Variants in NOTCH3 observed in about 807,000 individuals in gnomAD.
NOTCH3 encodes neurogenic locus notch homolog protein 3.
A neutral mutation model predicts 213.3 loss-of-function variants in NOTCH3; 86 were observed. That is an observed-to-expected ratio of 0.40 (90% CI 0.34 to 0.48). The LOEUF (loss-of-function observed/expected upper bound fraction) is 0.48, where lower values mean the gene tolerates loss of function less well. Ranked by LOEUF, NOTCH3 falls within the 20% of genes least tolerant of loss-of-function variation. NOTCH3 has a pLI of 0.57. For synonymous variants in NOTCH3, 1,354 were observed against 1,355.9 expected, an observed-to-expected ratio of 1.00 and a Z score of 0.03; for missense variants, 2,783 against 3,272.6, an observed-to-expected ratio of 0.85 and a Z score of 3.65.
chr19:15,171,521 TG>T (rs897065493), intron 25 of NOTCH3, among the ~76,000 whole-genome samples: 3 of 151,330 alleles, frequency 2.0e-5, no homozygotes, highest in Admixed American at 6.6e-5. Context: ...GGCTAATTTT[TG>T]GGGGGGGTTG....
intron 16 of NOTCH3, 146 bp from the exon 17 acceptor site, chr19:15,181,947 A>T: frequency 1.4e-6 from 1 of 705,826 alleles, no homozygotes; most frequent in Non-Finnish European, 2.4e-6. Flanking sequence ...ATCTAAATCC[A>T]TCCCCTTCTG....
chr19:15,197,554 G>GCCT lies in NOTCH3; in HGVS notation c.142_143insAGG (p.Pro48delinsGlnAla). The GCCT allele has an allele frequency of 6.2e-7, 1 of 1,604,772 alleles. No homozygotes were observed. The highest frequency in any genetic ancestry group is 2.3e-5 in the East Asian group (1 of 44,352). On this transcript the variant is annotated protein_altering_variant, in exon 2 of 33. Transcript: ENST00000263388. Reference sequence around the variant, plus strand: ...GGTGCAACGACCTCCATTTGCACACGGGCTTCCGTCCAGGCAAGGGGGGGC... The same window carrying GCCT: ...GGTGCAACGACCTCCATTTGCACACGCCTGGCTTCCGTCCAGGCAAGGGGGGGC...
At position 15,184,436 on chromosome 19, in the gene NOTCH3, G is replaced by C; in HGVS notation, c.2425C>G (p.Gln809Glu). The C allele has an allele frequency of 6.2e-7, 1 of 1,613,834 alleles. No individual in the cohort carries two copies. The highest frequency in any genetic ancestry group is 8.5e-7 in the Non-Finnish European group (1 of 1,179,838). ...PQGWQGPRCQ[Q>E]DVDECAGPAP... is the part of the protein sequence containing the mutation. ...GGGCCAGCACACTCGTCCACATCCTGCTGGCATCGTGGGCCTGGGGGTAGG... is the reference window on the plus strand; with the variant it reads ...GGGCCAGCACACTCGTCCACATCCTCCTGGCATCGTGGGCCTGGGGGTAGG... The change falls in exon 16 of 33, where the codon CAG (glutamine) becomes GAG (glutamate). Residue 809 changes from glutamine (Q) to glutamate (E), a missense_variant. Gln to Glu is a conservative substitution (Grantham distance 29, BLOSUM62 2). Transcript: ENST00000263388.
In NOTCH3 at chr19:15,165,507, G is replaced by T; in HGVS notation, c.5676C>A (p.Ile1892=). The T allele has an allele frequency of 6.2e-7, 1 of 1,612,098 alleles. No individual in the cohort carries two copies. The change falls in exon 31 of 33, where the codon ATC becomes ATA. Residue 1892 remains isoleucine (I), a synonymous_variant. Coordinates refer to ENST00000263388, the MANE Select transcript of NOTCH3 (RefSeq NM_000435.3). The surrounding 1 kb of genome is among the most constrained non-coding windows in gnomAD (Gnocchi z 4.7). ...ADAQGVFQIL[I]RNRSTDLDAR... is the part of the protein sequence containing the mutation. ...CATCCAAGTCTGTAGAGCGGTTTCGGATGAGAATCTAGGACAGAGAGTGGA... is the reference window on the plus strand; with the variant it reads ...CATCCAAGTCTGTAGAGCGGTTTCGTATGAGAATCTAGGACAGAGAGTGGA...
rs2145409132 is a variant in NOTCH3 at position 15,174,288 on chromosome 19, C to T, written c.4516G>A (p.Ala1506Thr). ...ACCAGCACGCCGCGGGCCAGCAGGG[C>T]CGGCACCTCGCTGGCACAATCCAGC... The part of the protein sequence containing the change: ...DGLDCASEVP[A>T]LLARGVLVLT... Residue 1506 changes from alanine to threonine, a missense_variant, in exon 25 of 33, where the codon GCC becomes ACC. Physicochemically the swap from Ala to Thr is moderately conservative, Grantham distance 58. Coordinates refer to ENST00000263388, the MANE Select transcript of NOTCH3 (RefSeq NM_000435.3). 2 of 1,559,948 alleles carry T rather than the reference C, an allele frequency of 1.3e-6. No individual in the cohort carries two copies. The highest frequency in any genetic ancestry group is 1.7e-6 in the Non-Finnish European group (2 of 1,154,306).
chr19:15,162,983 A>T (rs1368604175), intron 31 of NOTCH3, among the ~76,000 whole-genome samples: 3 of 152,156 alleles, frequency 2.0e-5, no homozygotes, highest in Non-Finnish European at 4.4e-5. Context: ...AGTTCACTGC[A>T]ACCTCTACCT....
At chr19:15,200,160 C>T (rs889498304) in intron 1 of NOTCH3, among the ~76,000 whole-genome samples, 2 of 131,166 alleles carry the variant, frequency 1.5e-5, no homozygotes, top group South Asian at 2.6e-4. Context: ...CGCGCAGGGG[C>T]GGGGTCCCAG....
intron 28 of NOTCH3, among the ~76,000 whole-genome samples, chr19:15,169,722 C>A (rs984253867): frequency 6.6e-6 from 1 of 152,142 alleles, no homozygotes; most frequent in African/African-American, 2.4e-5. Flanking sequence ...TAAGTCCATG[C>A]TGGACAAAAT....
chr19:15,187,964 A>G lies in NOTCH3; in HGVS notation c.1523T>C (p.Val508Ala), dbSNP rs1403582449. Reference sequence around the variant, plus strand: ...GCAGGGCGTGCTGGCGCATTCGTCCACGTCCAGCTGACACGTGGAGCCGCT... The same window carrying G: ...GCAGGGCGTGCTGGCGCATTCGTCCGCGTCCAGCTGACACGTGGAGCCGCT... ...GFSGSTCQLD[V>A]DECASTPCRN... The change falls in exon 10 of 33, where the codon GTG becomes GCG. Residue 508 changes from valine to alanine, a missense_variant. This residue lies in a region of NOTCH3 where 708 missense variants were observed against 906.6 expected (regional missense o/e 0.78). Coordinates refer to ENST00000263388, the MANE Select transcript of NOTCH3 (RefSeq NM_000435.3). 2 of 1,550,916 alleles carry G rather than the reference A, an allele frequency of 1.3e-6. No homozygotes were observed. The highest frequency in any genetic ancestry group is 1.7e-6 in the Non-Finnish European group (2 of 1,146,996).
rs1278611763 is a variant in NOTCH3 at position 15,188,350 on chromosome 19, TG to T, written c.1379-3del. On this transcript the variant is annotated splice_region_variant and splice_polypyrimidine_tract_variant and intron_variant, in intron 8 of 32. Transcript: ENST00000263388. ...CCTCGCAATAGGTTCCTGTGAAGCC[TG>T]GGGCAGGGAATAGGGCTTAGGAAAG... 3 of 1,592,138 alleles carry T rather than the reference TG, an allele frequency of 1.9e-6. No individual in the cohort carries two copies. Among genetic ancestry groups the T allele is most frequent in the Non-Finnish European group, 2.6e-6 (3 of 1,165,752 alleles).
chr19:15,185,194 G>A lies in NOTCH3; in HGVS notation c.2296+63C>T, dbSNP rs894932309. The A allele has an allele frequency of 1.9e-5, 30 of 1,581,384 alleles. No homozygotes were observed. The highest frequency in any genetic ancestry group is 5.0e-5 in the Admixed American group (3 of 59,836). On this transcript the variant is annotated intron_variant, in intron 14 of 32. Coordinates refer to ENST00000263388, the MANE Select transcript of NOTCH3 (RefSeq NM_000435.3). This position sits in a 1 kb window ranked among gnomAD's most constrained non-coding sequence, Gnocchi z 4.2. Reference sequence around the variant, plus strand: ...AACATAGCGGGAGGAGAGAGTAGAGGAGAAGAGAGATGAGAAGGCCCATGG... The same window carrying A: ...AACATAGCGGGAGGAGAGAGTAGAGAAGAAGAGAGATGAGAAGGCCCATGG...
rs2145401061 is a variant in NOTCH3 at position 15,170,658 on chromosome 19, G to C, written c.4891+13C>G. ...TCCGCCCCCGCCACCCCCTCCCCAA[G>C]GCAGGGCCGCACCCCGCACGTCCCG... On this transcript the variant is annotated intron_variant, in intron 26 of 32. Transcript: ENST00000263388. The C allele has an allele frequency of 3.8e-6, 4 of 1,059,692 alleles. No homozygotes were observed. The highest frequency in any genetic ancestry group is 5.4e-6 in the Non-Finnish European group (4 of 742,496). The allele number at this position is 1,059,692 out of a possible 1,614,324, so 65.6% of individuals were successfully genotyped here.
Position 15,161,408 on chromosome 19 carries a change from GC to G in NOTCH3, c.6219del (p.Pro2074ArgfsTer11). The G allele has an allele frequency of 6.6e-7, 1 of 1,526,030 alleles. No individual in the cohort carries two copies. 94.5% of individuals were successfully genotyped at this position (1,526,030 alleles called of 1,614,324 possible). On this transcript the variant is annotated frameshift_variant, in exon 33 of 33. Coordinates refer to ENST00000263388, the MANE Select transcript of NOTCH3 (RefSeq NM_000435.3). LOFTEE classifies it low-confidence loss of function (END_TRUNC). Reference protein sequence around the residue: ...SRRPPGKAGLGPQGPRGRGKK... With the variant: ...SRRPPGKAGLXPQGPRGRGKK... ...TTGCCCCGCCCCCGGGGCCCCTGCG[GC>G]CCCAGCCCCGCCTTCCCGGGGGGCC...
rs1468328433 is a variant in NOTCH3, at chr19:15,161,322, C to T, written c.6306G>A (p.Val2102=). Residue 2102 remains valine (V), a synonymous_variant, in exon 33 of 33, where the codon GTG becomes GTA. Transcript: ENST00000263388. ...AAGGCCGCGGGGAGTCCAGCGAGTC[C>T]ACGGGCGACAGCGTGACCGAGCTGT... The part of the protein sequence containing the change: ...LADSSVTLSP[V]DSLDSPRPFG... 2 of 1,525,306 alleles carry T rather than the reference C, an allele frequency of 1.3e-6. No individual in the cohort carries two copies. Among genetic ancestry groups the T allele is most frequent in the Admixed American group, 2.1e-5 (1 of 47,898 alleles). The allele number at this position is 1,525,306 out of a possible 1,614,324, so 94.5% of individuals were successfully genotyped here.
chr19:15,183,115 C>G (rs2046853249), intron 16 of NOTCH3, among the ~76,000 whole-genome samples: 1 of 151,944 alleles, frequency 6.6e-6, no homozygotes, highest in Non-Finnish European at 1.5e-5. Context: ...ATTAGCTAGG[C>G]ATGTAGTGAG....
chr19:15,188,031 G>A (rs2046898246), intron 9 of NOTCH3, 37 bp from the exon 10 acceptor site: 3 of 1,495,584 alleles, frequency 2.0e-6, no homozygotes, highest in Non-Finnish European at 2.7e-6. Flanking sequence ...GGCCCAGAAA[G>A]GGTGAGAGCA....
At chr19:15,162,699 T>C in intron 31 of NOTCH3, 137 bp from the exon 32 acceptor site, 1 of 704,674 alleles carries the variant, frequency 1.4e-6, no homozygotes, top group South Asian at 1.5e-5. Context: ...TACTTGTGTC[T>C]GGATCCATGT....
intron 2 of NOTCH3, among the ~76,000 whole-genome samples, chr19:15,196,095 G>GT (rs1412720406): frequency 6.6e-6 from 1 of 151,760 alleles, no homozygotes; most frequent in East Asian, 1.9e-4. Context: ...AAAGAGACTC[G>GT]TGGGGGGTGG....
In NOTCH3 at chr19:15,159,841, ATT is replaced by A. The variant is rs928021622; in HGVS notation, c.*819_*820del. On this transcript the variant is annotated 3_prime_UTR_variant, in exon 33 of 33. Coordinates refer to ENST00000263388, the MANE Select transcript of NOTCH3 (RefSeq NM_000435.3). The stretch of plus-strand genomic sequence containing the variant: ...GCAGCTCCTCTTCTTGTAGTCCCAC[ATT>A]TACAGGGACACAAAGGAATGCATAC... 8.6e-6 allele frequency: 2 copies of A among 233,592 alleles called. No individual in the cohort carries two copies. Among genetic ancestry groups the A allele is most frequent in the African/African-American group, 4.4e-5 (2 of 45,354 alleles). 14.5% of individuals were successfully genotyped at this position (233,592 alleles called of 1,614,324 possible). A position where few individuals can be genotyped will look rare whatever the true frequency, so the allele number is the denominator to read the frequency against.
Sources: gnomAD v4.1 joint callset for allele counts (sites outside exome capture counted in the v4.1 genomes callset) on GRCh38, gnomAD v4.1.1 for gene constraint, gnomAD v4.1.1 regional missense constraint, Gnocchi (gnomAD v3.1) non-coding constraint, MANE v1.5 for transcripts, NCBI Gene and HGNC (gene_info 2026-07-23, HGNC 2026-07-21) for gene names.